The following RIPOR2 variants were observed in gnomAD, a reference collection of about 807,000 sequenced individuals.
RIPOR2 encodes the protein RHO family interacting cell polarization regulator 2, also known as rho family-interacting cell polarization regulator 2.
A neutral mutation model predicts 114.5 loss-of-function variants in RIPOR2; 39 were observed. That is an observed-to-expected ratio of 0.34 (90% CI 0.26 to 0.44). The LOEUF (loss-of-function observed/expected upper bound fraction) is 0.44. Ranked by LOEUF, RIPOR2 falls within the 20% of genes least tolerant of loss-of-function variation. RIPOR2 has a pLI of 1.00. For synonymous variants in RIPOR2, 445 were observed against 484.4 expected, an observed-to-expected ratio of 0.92 and a Z score of 1.07; for missense variants, 1,007 against 1,255.1, an observed-to-expected ratio of 0.80 and a Z score of 2.99.
chr6:24,835,947 C>T (rs1033463842), intron 14 of RIPOR2, 76 bp from the exon 15 acceptor site: 40 of 1,397,934 alleles, frequency 2.9e-5, no homozygotes, highest in East Asian at 2.8e-4. Context: ...TGGTTTGCAT[C>T]GGGCCCCAAC....
intron 1 of RIPOR2, among the ~76,000 whole-genome samples, chr6:24,893,872 C>G (rs1265616436): frequency 6.6e-6 from 1 of 152,170 alleles, no homozygotes; most frequent in Admixed American, 6.5e-5. Context: ...ACAGAGAGGT[C>G]CTAGGCTGTC....
intron 18 of RIPOR2, among the ~76,000 whole-genome samples, chr6:24,827,726 C>G (rs990309109): frequency 1.3e-5 from 2 of 152,248 alleles, no homozygotes; most frequent in African/African-American, 4.8e-5. Context: ...CCTCCTTTCC[C>G]TTCCCACCAT....
At chr6:24,855,884 A>G (rs1253544301) in intron 8 of RIPOR2, among the ~76,000 whole-genome samples, 1 of 152,174 alleles carries the variant, frequency 6.6e-6, no homozygotes, top group African/African-American at 2.4e-5. Context: ...AAATTTAAAA[A>G]TTAGCCAGTC....
chr6:25,009,772 TA>T (rs1246563741), intron 1 of RIPOR2, among the ~76,000 whole-genome samples: 3 of 152,230 alleles, frequency 2.0e-5, no homozygotes, highest in Non-Finnish European at 4.4e-5. Context: ...TCTTTATGAT[TA>T]TTTTTTGGGA....
chr6:24,863,919 G>C (rs981102669), intron 7 of RIPOR2, among the ~76,000 whole-genome samples: 1 of 151,760 alleles, frequency 6.6e-6, no homozygotes, highest in East Asian at 1.9e-4. Context: ...GAAATATTTT[G>C]AAAACTATAC....
At chr6:24,957,747 C>T (rs185792398) in intron 1 of RIPOR2, among the ~76,000 whole-genome samples, 34 of 152,188 alleles carry the variant, frequency 2.2e-4, no homozygotes, top group African/African-American at 3.4e-4. Context: ...TGGTGGCAGG[C>T]GCCTGTAGTC....
intron 19 of RIPOR2, among the ~76,000 whole-genome samples, chr6:24,822,484 A>G (rs952777285): frequency 3.3e-5 from 5 of 152,120 alleles, no homozygotes; most frequent in Non-Finnish European, 7.4e-5. Flanking sequence ...GTTACTGAAT[A>G]GGTTGCTCAC....
chr6:24,993,420 T>C (rs1205129580), intron 1 of RIPOR2, among the ~76,000 whole-genome samples: 2 of 152,284 alleles, frequency 1.3e-5, no homozygotes, highest in Non-Finnish European at 1.5e-5. Flanking sequence ...CTTTTTCTGT[T>C]TTCCATTTGC....
In RIPOR2 at chr6:24,843,283, A is replaced by C. The variant is rs1761916261; in HGVS notation, c.1436T>G (p.Leu479Arg). Residue 479 changes from leucine (L) to arginine (R), a missense_variant, in exon 13 of 22, where the codon CTG (leucine) becomes CGG (arginine). Leu to Arg is a moderately radical substitution (Grantham distance 102). Coordinates refer to ENST00000643898, the MANE Select transcript of RIPOR2 (RefSeq NM_001286445.3). ...LGEGQEPKSH[L>R]KEEDPEEPRK... Reference sequence around the variant, plus strand: ...GGGCTCCTCTGGGTCTTCCTCCTTCAGGTGTGACTTTGGCTCTTGGCCTTC... The same window carrying C: ...GGGCTCCTCTGGGTCTTCCTCCTTCCGGTGTGACTTTGGCTCTTGGCCTTC... 1.9e-6 allele frequency: 3 copies of C among 1,613,974 alleles called. No homozygotes were observed. Among genetic ancestry groups the C allele is most frequent in the Non-Finnish European group, 2.5e-6 (3 of 1,179,870 alleles).
At chr6:24,996,796 T>C (rs1420606849) in intron 1 of RIPOR2, among the ~76,000 whole-genome samples, 1 of 152,222 alleles carries the variant, frequency 6.6e-6, no homozygotes, top group Non-Finnish European at 1.5e-5. Flanking sequence ...ATTATAGCAC[T>C]TACTGTATTG....
In RIPOR2 at chr6:24,883,108, T is replaced by C. The variant is rs1416722933; in HGVS notation, c.62-7291A>G. On this transcript the variant is annotated intron_variant, in intron 1 of 21. Coordinates refer to ENST00000643898, the MANE Select transcript of RIPOR2 (RefSeq NM_001286445.3). This position sits in a 1 kb window ranked among gnomAD's most constrained non-coding sequence, Gnocchi z 4.1. ...CTAGATGCTACTGTCTTAACCCTTA[T>C]GGTGTTTTCCTTTTTTAAAAATTTA... is the stretch of plus-strand genomic sequence containing the variant. Among the ~76,000 whole-genome samples, 2 of 152,248 alleles carry C rather than the reference T, an allele frequency of 1.3e-5. No homozygotes were observed. Among genetic ancestry groups the C allele is most frequent in the Non-Finnish European group, 2.9e-5 (2 of 68,050 alleles).
intron 1 of RIPOR2, among the ~76,000 whole-genome samples, chr6:24,897,298 G>GTT (rs1386794378): frequency 1.3e-5 from 2 of 152,296 alleles, no homozygotes; most frequent in African/African-American, 4.8e-5. Flanking sequence ...ACATCATTTG[G>GTT]CAGGATGAGT....
At chr6:24,914,983 A>G (rs1581789134) in intron 1 of RIPOR2, among the ~76,000 whole-genome samples, 1 of 152,224 alleles carries the variant, frequency 6.6e-6, no homozygotes, top group South Asian at 2.1e-4. Context: ...CATTCCCTGC[A>G]GAAATAAAAA....
At chr6:24,809,248 G>T (rs185078794) in intron 21 of RIPOR2, among the ~76,000 whole-genome samples, 1 of 152,290 alleles carries the variant, frequency 6.6e-6, no homozygotes, top group African/African-American at 2.4e-5. Flanking sequence ...GCTCAGATGG[G>T]CAGAGGCCAC....
intron 14 of RIPOR2, among the ~76,000 whole-genome samples, chr6:24,837,765 C>G (rs951621584): frequency 2.0e-5 from 3 of 151,936 alleles, no homozygotes; most frequent in Non-Finnish European, 4.4e-5. Context: ...TTGCCATGTC[C>G]CCAGATTGCT....
intron 1 of RIPOR2, among the ~76,000 whole-genome samples, chr6:25,004,448 T>C (rs1775457885): frequency 6.6e-6 from 1 of 152,204 alleles, no homozygotes; most frequent in Non-Finnish European, 1.5e-5. Context: ...CAGCTTCTCC[T>C]TTATGTTCAC....
At chr6:24,875,043 G>C (rs1285258171) in intron 2 of RIPOR2, among the ~76,000 whole-genome samples, 1 of 152,168 alleles carries the variant, frequency 6.6e-6, no homozygotes, top group Non-Finnish European at 1.5e-5. Flanking sequence ...GAGGCCGGAA[G>C]GTGCCTACTG....
At chr6:24,892,621 A>G (rs541681860) in intron 1 of RIPOR2, among the ~76,000 whole-genome samples, 5 of 152,228 alleles carry the variant, frequency 3.3e-5, no homozygotes, top group Admixed American at 6.5e-5. Context: ...GTGAAGTTAT[A>G]AACAGTGGAG....
chr6:24,809,689 T>A, intron 21 of RIPOR2, 28 bp downstream of exon 21: 1 of 1,411,086 alleles, frequency 7.1e-7, no homozygotes, highest in East Asian at 2.5e-5. Flanking sequence ...AAGCAAACAA[T>A]CATGTAAACA....
Sources: gnomAD v4.1 joint callset for allele counts (sites outside exome capture counted in the v4.1 genomes callset) on GRCh38, gnomAD v4.1.1 for gene constraint, Gnocchi (gnomAD v3.1) non-coding constraint, MANE v1.5 for transcripts, NCBI Gene and HGNC (gene_info 2026-07-23, HGNC 2026-07-21) for gene names.